PCDHA3: variants seen among roughly 807,000 people sequenced by gnomAD.
PCDHA3 encodes the protein protocadherin alpha 3.
Under a neutral mutation model 62.2 loss-of-function variants are expected in PCDHA3, and 41 were observed. The observed-to-expected ratio is 0.66, with a 90% CI of 0.51 to 0.86. PCDHA3 has a LOEUF of 0.86. Ranked by LOEUF, PCDHA3 falls within the 40% of genes least tolerant of loss-of-function variation. The probability of loss-of-function intolerance (pLI) is 0.00; values close to 1 mark genes in which losing one functional copy is unlikely to be tolerated. For synonymous variants in PCDHA3, 640 were observed against 555.4 expected (o/e 1.15, Z -2.14); for missense variants, 1,304 against 1,241.2 (o/e 1.05, Z -0.76).
chr5:140,943,257 C>CAA lies in PCDHA3; in HGVS notation c.2395-35673_2395-35672dup, dbSNP rs1238620023. Reference sequence around the variant, plus strand: ...TGGGTCACAGAGTGAGACTCTGTCTCAAAAAAAAAAAAAAAAAAAAGAAAG... The same window carrying CAA: ...TGGGTCACAGAGTGAGACTCTGTCTCAAAAAAAAAAAAAAAAAAAAAAGAAAG... On this transcript the variant is annotated intron_variant, in intron 1 of 3. Transcript: ENST00000522353. Among the ~76,000 whole-genome samples the CAA allele has an allele frequency of 2.6e-3, 203 of 77,270 alleles. 1 individual carries two copies. Among genetic ancestry groups the CAA allele is most frequent in the African/African-American group, 9.8e-3 (185 of 18,826 alleles). The allele number at this position is 77,270 out of a possible 152,430, so 50.7% of individuals were successfully genotyped here. A position where few individuals can be genotyped will look rare whatever the true frequency, so the allele number is the denominator to read the frequency against.
intron 1 of PCDHA3, chr5:140,835,840 A>G (rs1773975700): frequency 6.2e-7 from 1 of 1,612,274 alleles, no homozygotes; most frequent in Non-Finnish European, 8.5e-7. Flanking sequence ...GACGCGCAGA[A>G]GAACGCGCTG....
chr5:140,869,687 T>C, intron 1 of PCDHA3: 1 of 1,613,474 alleles, frequency 6.2e-7, no homozygotes, highest in Non-Finnish European at 8.5e-7. Context: ...CTGTCACTTA[T>C]TTTAAAGAAG....
At chr5:140,860,253 G>C (rs1278193259) in intron 1 of PCDHA3, 1 of 151,492 alleles carries the variant, frequency 6.6e-6, no homozygotes, top group Non-Finnish European at 1.5e-5. Flanking sequence ...CATGCCTTTA[G>C]TCCCTACTGT....
chr5:140,997,866 TG>T (rs1554256038), intron 3 of PCDHA3, among the ~76,000 whole-genome samples: 1 of 152,216 alleles, frequency 6.6e-6, no homozygotes, highest in African/African-American at 2.4e-5. Context: ...TTCTTATGCA[TG>T]CTTGCTAGTA....
intron 1 of PCDHA3, chr5:140,876,926 A>C (rs782589579): frequency 6.2e-7 from 1 of 1,613,842 alleles, no homozygotes; most frequent in East Asian, 2.2e-5. Context: ...GCGGACGCGC[A>C]GAAGAACGCG....
intron 1 of PCDHA3, among the ~76,000 whole-genome samples, chr5:140,946,098 A>G (rs1249581075): frequency 6.6e-6 from 1 of 152,114 alleles, no homozygotes; most frequent in Non-Finnish European, 1.5e-5. Flanking sequence ...AGGAGTTAAC[A>G]TACCAAATAT....
At chr5:140,966,860 TTGC>T (rs148181752) in intron 1 of PCDHA3, 30 of 1,577,282 alleles carry the variant, frequency 1.9e-5, no homozygotes, top group Middle Eastern at 1.7e-4. Context: ...CCTGCTGCTG[TTGC>T]TGCTGCTGCT....
chr5:140,870,592 C>A (rs202164332), intron 1 of PCDHA3: 2 of 1,613,554 alleles, frequency 1.2e-6, no homozygotes, highest in African/African-American at 1.3e-5. Context: ...GGTGGAGCGG[C>A]GGTTGGGCGA....
In PCDHA3 at chr5:140,835,789, C is replaced by T. The variant is rs2150244748; in HGVS notation, c.2394+32198C>T. The T allele has an allele frequency of 6.8e-6, 11 of 1,612,988 alleles. No individual in the cohort carries two copies. The South Asian group carries it at 9.9e-5, about 14-fold the overall frequency. ...ACGGTGTTCGTGAAGGAGAACAACC[C>T]GCCGGGCTGCCACATCTTCACTGTG... On this transcript the variant is annotated intron_variant, in intron 1 of 3. Transcript: ENST00000522353.
At chr5:140,808,676 C>A (rs369858637) in intron 1 of PCDHA3, 5 of 1,612,726 alleles carry the variant, frequency 3.1e-6, no homozygotes, top group Non-Finnish European at 4.2e-6. Context: ...GCTGGTAGAG[C>A]GGCGGGTAGG....
intron 1 of PCDHA3, chr5:140,829,780 G>A: frequency 1.2e-6 from 2 of 1,613,792 alleles, no homozygotes; most frequent in Non-Finnish European, 1.7e-6. Context: ...ACAACGCGCC[G>A]GCGCTGCTGG....
At chr5:140,831,655 G>C (rs2150196678) in intron 1 of PCDHA3, among the ~76,000 whole-genome samples, 27 of 151,452 alleles carry the variant, frequency 1.8e-4, no homozygotes, top group African/African-American at 6.1e-4. Context: ...GAGCCACTAT[G>C]CTTGGCTAGT....
In PCDHA3 at chr5:140,849,923, G is replaced by T. The variant is rs145904051; in HGVS notation, c.2394+46332G>T. 160 of 1,598,322 alleles carry T rather than the reference G, an allele frequency of 1.0e-4. 9 individuals carry two copies. The African/African-American group carries it at 1.2e-3, about 12-fold the overall frequency. On this transcript the variant is annotated intron_variant, in intron 1 of 3. Transcript: ENST00000522353. ...ACCCGCCGGGCTGCCACATCTTCAC[G>T]GTGTCTGCGCGGGACGCTGACGCGC...
chr5:140,982,308 A>T, intron 2 of PCDHA3, 167 bp from the exon 3 acceptor site: 1 of 1,269,286 alleles, frequency 7.9e-7, no homozygotes. Context: ...ATGCTTCTGC[A>T]GTTTATGCAG....
At chr5:140,866,092 G>C (rs1167702930) in intron 1 of PCDHA3, 1 of 152,100 alleles carries the variant, frequency 6.6e-6, no homozygotes, top group Non-Finnish European at 1.5e-5. Context: ...TTATGTAATT[G>C]TTAAGTAATT....
At chr5:140,917,776 A>G (rs1222024686) in intron 1 of PCDHA3, among the ~76,000 whole-genome samples, 2 of 152,044 alleles carry the variant, frequency 1.3e-5, no homozygotes, top group Non-Finnish European at 2.9e-5. Flanking sequence ...TATTAGTACC[A>G]TGTTGTTTTG....
In PCDHA3 at chr5:140,803,078, C is replaced by T. The variant is rs781941927; in HGVS notation, c.1881C>T (p.Tyr627=). 4.3e-6 allele frequency: 7 copies of T among 1,613,812 alleles called. No individual in the cohort carries two copies. In the African/African-American group the frequency reaches 6.7e-5, roughly 15 times the overall value. The change falls in exon 1 of 4, where the codon TAC becomes TAT. Residue 627 remains tyrosine, a synonymous_variant. Coordinates refer to ENST00000522353, the MANE Select transcript of PCDHA3 (RefSeq NM_018906.3). ...GCATCCCGTTTCGCGTGGGGCTGTA[C>T]ACGGGAGAGATCAGCACGACCCGTG... The part of the protein sequence containing the change: ...GARIPFRVGL[Y]TGEISTTRAL...
At chr5:140,876,753 G>A in intron 1 of PCDHA3, 2 of 1,614,246 alleles carry the variant, frequency 1.2e-6, no homozygotes, top group Non-Finnish European at 1.7e-6. Flanking sequence ...TGGTGACTGC[G>A]CGGGATGGGG....
chr5:140,943,090 C>G (rs554425182), intron 1 of PCDHA3, among the ~76,000 whole-genome samples: 3 of 151,542 alleles, frequency 2.0e-5, no homozygotes, highest in African/African-American at 7.3e-5. Context: ...AATCCTGCCT[C>G]TACTAAAAAA....
Sources: gnomAD v4.1 joint callset for allele counts (sites outside exome capture counted in the v4.1 genomes callset) on GRCh38, gnomAD v4.1.1 for gene constraint, MANE v1.5 for transcripts, NCBI Gene and HGNC (gene_info 2026-07-23, HGNC 2026-07-21) for gene names.